Variants in F13A1 observed in about 807,000 individuals in gnomAD.
F13A1 encodes FSF, A subunit.
In F13A1, 47 loss-of-function variants were observed where a neutral mutation model predicts 80.1. That is an observed-to-expected ratio of 0.59 (90% CI 0.46 to 0.75). The LOEUF (loss-of-function observed/expected upper bound fraction) is 0.75, where lower values mean the gene tolerates loss of function less well. F13A1 is among the 30% of genes least tolerant of loss of function. The probability of loss-of-function intolerance (pLI) is 0.00; values close to 1 mark genes in which losing one functional copy is unlikely to be tolerated. For synonymous variants in F13A1, 349 were observed against 344.9 expected, an observed-to-expected ratio of 1.01 and a Z score of -0.13; for missense variants, 817 against 930.4, an observed-to-expected ratio of 0.88 and a Z score of 1.59.
intron 8 of F13A1, among the ~76,000 whole-genome samples, 180 bp downstream of exon 8, chr6:6,221,853 T>A (rs1470359131): frequency 1.3e-5 from 2 of 152,232 alleles, no homozygotes; most frequent in East Asian, 3.8e-4. Flanking sequence ...ACCCAAACTG[T>A]CTCTTCAGTA....
intron 11 of F13A1, among the ~76,000 whole-genome samples, chr6:6,176,660 G>A (rs964571179): frequency 6.6e-6 from 1 of 152,220 alleles, no homozygotes; most frequent in South Asian, 2.1e-4. Context: ...AAAAGGGAAG[G>A]AGGAGTGAGG....
At chr6:6,233,813 T>G (rs1484500228) in intron 6 of F13A1, among the ~76,000 whole-genome samples, 5 of 152,234 alleles carry the variant, frequency 3.3e-5, no homozygotes, top group African/African-American at 9.6e-5. Context: ...TCAATAAATG[T>G]GATGCACCAT....
chr6:6,154,603 C>T (rs1295589600), intron 13 of F13A1, among the ~76,000 whole-genome samples: 1 of 152,212 alleles, frequency 6.6e-6, no homozygotes, highest in East Asian at 1.9e-4. Flanking sequence ...CAGTTGGAAA[C>T]CACTGGTATA....
intron 13 of F13A1, among the ~76,000 whole-genome samples, chr6:6,166,563 A>C (rs1760677745): frequency 6.6e-6 from 1 of 152,214 alleles, no homozygotes; most frequent in African/African-American, 2.4e-5. Flanking sequence ...GACCTGGATA[A>C]GGGCTGCATG....
At chr6:6,305,170 T>G (rs1039132527) in intron 3 of F13A1, 181 bp downstream of exon 3, 2 of 703,772 alleles carry the variant, frequency 2.8e-6, no homozygotes, top group African/African-American at 3.5e-5. Flanking sequence ...GCCCAAGTTA[T>G]CAATATTTGG....
At chr6:6,280,811 T>C (rs1758050082) in intron 3 of F13A1, among the ~76,000 whole-genome samples, 1 of 152,214 alleles carries the variant, frequency 6.6e-6, no homozygotes, top group Non-Finnish European at 1.5e-5. Flanking sequence ...GCTGAGTACC[T>C]CTTTATTTGT....
chr6:6,274,126 G>A (rs1757956498), intron 3 of F13A1, among the ~76,000 whole-genome samples: 1 of 152,172 alleles, frequency 6.6e-6, no homozygotes, highest in Admixed American at 6.5e-5. Flanking sequence ...AACTTAGGTA[G>A]GGTTGGGGGG....
At chr6:6,271,966 C>A (rs1445480965) in intron 3 of F13A1, among the ~76,000 whole-genome samples, 1 of 152,194 alleles carries the variant, frequency 6.6e-6, no homozygotes, top group Admixed American at 6.5e-5. Flanking sequence ...TACTCTTTTC[C>A]AACCTTAGCT....
rs540803800 is a variant in F13A1, at chr6:6,244,704, G to C, written c.798+3608C>G. On this transcript the variant is annotated intron_variant, in intron 6 of 14. Transcript: ENST00000264870. ...AAAGAGTATTCTTGCTGCCAATGTG[G>C]TTTGAGTACAGAGACAAAATTTCAC... is the stretch of plus-strand genomic sequence containing the variant. Among the ~76,000 whole-genome samples the C allele has an allele frequency of 4.4e-4, 67 of 152,312 alleles. 1 individual carries two copies. The highest frequency in any genetic ancestry group is 1.6e-3 in the African/African-American group (67 of 41,564).
chr6:6,239,089 T>C (rs543413710), intron 6 of F13A1, among the ~76,000 whole-genome samples: 24 of 152,260 alleles, frequency 1.6e-4, no homozygotes, highest in African/African-American at 5.8e-4. Context: ...AGCTTCACAT[T>C]GGAAACATCT....
chr6:6,226,318 T>G (rs9504723), intron 6 of F13A1, among the ~76,000 whole-genome samples: 54,652 of 152,078 alleles, frequency 0.36, 10,155 homozygotes, highest in East Asian at 0.44. Context: ...TGGGAGCTTG[T>G]TAGGAATTCA....
intron 2 of F13A1, chr6:6,305,798 T>C (rs1477848664): frequency 8.2e-6 from 4 of 489,378 alleles, no homozygotes; most frequent in Admixed American, 3.3e-5. Flanking sequence ...GTGGGATAGA[T>C]GGATGCCTGT....
At chr6:6,302,105 T>C (rs1315484477) in intron 3 of F13A1, among the ~76,000 whole-genome samples, 1 of 152,212 alleles carries the variant, frequency 6.6e-6, no homozygotes, top group Non-Finnish European at 1.5e-5. Flanking sequence ...TCCATTATCA[T>C]AATTATTTTC....
chr6:6,261,263 G>A (rs1024032994), intron 4 of F13A1, among the ~76,000 whole-genome samples: 8 of 152,158 alleles, frequency 5.3e-5, no homozygotes, highest in South Asian at 2.1e-4. Context: ...CACTGGGCCC[G>A]GCCCTGCCTC....
At chr6:6,297,975 A>T (rs1032078463) in intron 3 of F13A1, among the ~76,000 whole-genome samples, 1 of 150,246 alleles carries the variant, frequency 6.7e-6, no homozygotes, top group Non-Finnish European at 1.5e-5. Flanking sequence ...TTCAAAGAAC[A>T]TCTTTATTTC....
chr6:6,209,394 A>T (rs1761560451), intron 8 of F13A1, among the ~76,000 whole-genome samples: 1 of 152,058 alleles, frequency 6.6e-6, no homozygotes, highest in African/African-American at 2.4e-5. Flanking sequence ...GTGTATTGCT[A>T]GTGGGAATAC....
chr6:6,178,054 G>C lies in F13A1; in HGVS notation c.1460-3187C>G, dbSNP rs1167668916. On this transcript the variant is annotated intron_variant, in intron 11 of 14. Transcript: ENST00000264870. ...GGAGGCCACAGGGAGAGGGGGGGGG[G>C]GGTGGGGCTTTTAAGCAGTGCTGGG... is the stretch of plus-strand genomic sequence containing the variant. Among the ~76,000 whole-genome samples, 21 of 115,958 alleles carry C rather than the reference G, an allele frequency of 1.8e-4. 1 individual carries two copies. The East Asian group carries it at 4.0e-3, about 22-fold the overall frequency. The allele number at this position is 115,958 out of a possible 152,430, so 76.1% of individuals were successfully genotyped here.
At chr6:6,245,002 A>T (rs763466634) in intron 6 of F13A1, among the ~76,000 whole-genome samples, 7 of 152,166 alleles carry the variant, frequency 4.6e-5, no homozygotes, top group Admixed American at 2.6e-4. Flanking sequence ...TAGTGCTGTC[A>T]TCCTCACTAA....
chr6:6,200,549 T>TA (rs60759542), intron 8 of F13A1, among the ~76,000 whole-genome samples: 19,784 of 105,028 alleles, frequency 0.19, 1,674 homozygotes, highest in Non-Finnish European at 0.23. Context: ...AGACCCTGTC[T>TA]AAAAAAAAAA....
Sources: allele counts gnomAD v4.1 joint callset (sites outside exome capture counted in the v4.1 genomes callset), GRCh38; gene constraint gnomAD v4.1.1; transcripts MANE v1.5; gene names NCBI Gene and HGNC (gene_info 2026-07-23, HGNC 2026-07-21).